ANKS1B: variants seen among roughly 807,000 people sequenced by gnomAD.
ANKS1B encodes the protein ankyrin repeat and sterile alpha motif domain containing 1B, also known as ankyrin repeat and sterile alpha motif domain-containing protein 1B.
ANKS1B carries 36 observed loss-of-function variants against 148.3 expected under a neutral mutation model. That is an observed-to-expected ratio of 0.24 (90% CI 0.19 to 0.32). The LOEUF (loss-of-function observed/expected upper bound fraction) is 0.32, where lower values mean the gene tolerates loss of function less well. Ranked by LOEUF, ANKS1B falls within the 10% of genes least tolerant of loss-of-function variation. The probability of loss-of-function intolerance (pLI) is 1.00; values close to 1 mark genes in which losing one functional copy is unlikely to be tolerated. For synonymous variants in ANKS1B, 542 were observed against 560.8 expected (o/e 0.97, Z 0.47); for missense variants, 1,157 against 1,542.6 (o/e 0.75, Z 4.19).
chr12:99,510,567 T>C (rs1039776935), intron 9 of ANKS1B, among the ~76,000 whole-genome samples: 1 of 151,974 alleles, frequency 6.6e-6, no homozygotes, highest in Non-Finnish European at 1.5e-5. Context: ...ATGATAAAAC[T>C]TGAATGGATG....
intron 9 of ANKS1B, among the ~76,000 whole-genome samples, chr12:99,581,207 G>A (rs1335069754): frequency 6.6e-6 from 1 of 152,092 alleles, no homozygotes; most frequent in Non-Finnish European, 1.5e-5. Context: ...CATAAGAATA[G>A]GCACAGAGAT....
At chr12:99,739,078 T>G (rs991018255) in intron 8 of ANKS1B, among the ~76,000 whole-genome samples, 1 of 152,038 alleles carries the variant, frequency 6.6e-6, no homozygotes, top group Non-Finnish European at 1.5e-5. Flanking sequence ...GGTATTCACA[T>G]ACACTATCAT....
chr12:99,126,014 G>GA (rs1356593016), intron 15 of ANKS1B, among the ~76,000 whole-genome samples: 5 of 151,618 alleles, frequency 3.3e-5, no homozygotes, highest in African/African-American at 7.3e-5. Context: ...AGAGACTTAA[G>GA]AAAAAAAACA....
intron 17 of ANKS1B, among the ~76,000 whole-genome samples, chr12:98,909,669 A>G (rs964577191): frequency 6.6e-6 from 1 of 152,230 alleles, no homozygotes; most frequent in African/African-American, 2.4e-5. Context: ...AATATATAGC[A>G]TAACTCGTTA....
intron 14 of ANKS1B, among the ~76,000 whole-genome samples, chr12:99,214,446 T>C (rs1338637148): frequency 8.5e-5 from 13 of 152,172 alleles, no homozygotes; most frequent in Admixed American, 4.6e-4. Flanking sequence ...TCCCGTGCTG[T>C]TCTCATGGTA....
At chr12:98,894,236 C>G (rs2099758718) in intron 17 of ANKS1B, among the ~76,000 whole-genome samples, 1 of 152,168 alleles carries the variant, frequency 6.6e-6, no homozygotes, top group Admixed American at 6.5e-5. Context: ...ATTACGTGGA[C>G]TTGGCATGGC....
chr12:99,233,996 A>G (rs2087360356), intron 14 of ANKS1B, among the ~76,000 whole-genome samples: 1 of 152,112 alleles, frequency 6.6e-6, no homozygotes, highest in Non-Finnish European at 1.5e-5. Context: ...TCCAAATGTA[A>G]TGTTGACCTT....
At chr12:99,248,415 A>G (rs2074144923) in intron 12 of ANKS1B, among the ~76,000 whole-genome samples, 1 of 152,224 alleles carries the variant, frequency 6.6e-6, no homozygotes, top group African/African-American at 2.4e-5. Context: ...GAAGAGTGAC[A>G]GGAAGAGAGA....
intron 12 of ANKS1B, among the ~76,000 whole-genome samples, chr12:99,310,616 G>A (rs902121198): frequency 3.3e-5 from 5 of 152,206 alleles, no homozygotes; most frequent in South Asian, 2.1e-4. Flanking sequence ...CTTAGGACAG[G>A]AACTACATCA....
chr12:99,080,729 TAC>T (rs1456216435), intron 16 of ANKS1B, among the ~76,000 whole-genome samples: 1 of 152,212 alleles, frequency 6.6e-6, no homozygotes, highest in Non-Finnish European at 1.5e-5. Context: ...CTTGGCCACA[TAC>T]AATTCTTTTC....
At chr12:99,561,745 T>C (rs1051105051) in intron 9 of ANKS1B, among the ~76,000 whole-genome samples, 4 of 152,186 alleles carry the variant, frequency 2.6e-5, no homozygotes, top group African/African-American at 9.7e-5. Context: ...AGTTCCTTCT[T>C]CCACTGAAGT....
intron 12 of ANKS1B, among the ~76,000 whole-genome samples, chr12:99,378,540 A>G (rs566024372): frequency 6.6e-6 from 1 of 151,956 alleles, no homozygotes; most frequent in South Asian, 2.1e-4. Context: ...CTGTAGTCTC[A>G]GCTACCCAGG....
chr12:99,003,115 G>A (rs192373661), intron 17 of ANKS1B, among the ~76,000 whole-genome samples: 96 of 152,058 alleles, frequency 6.3e-4, no homozygotes, highest in Non-Finnish European at 1.3e-3. Flanking sequence ...GTATATTCTT[G>A]GCACCCTTGT....
At chr12:99,828,762 C>G (rs1430659543) in intron 1 of ANKS1B, among the ~76,000 whole-genome samples, 1 of 152,102 alleles carries the variant, frequency 6.6e-6, no homozygotes, top group Non-Finnish European at 1.5e-5. Flanking sequence ...AATCCCAGCA[C>G]TTTGAAAGGC....
At chr12:99,932,603 C>T (rs2094649861) in intron 1 of ANKS1B, among the ~76,000 whole-genome samples, 1 of 152,024 alleles carries the variant, frequency 6.6e-6, no homozygotes, top group African/African-American at 2.4e-5. Flanking sequence ...AAATATTTTG[C>T]CAATATTTTA....
rs533636942 is a variant in ANKS1B at position 98,951,725 on chromosome 12, G to T, written c.2778+101432C>A. On this transcript the variant is annotated intron_variant, in intron 17 of 26. Transcript: ENST00000683438. ...CTCCCTCTCCTCTCCATCTGTCACC[G>T]TGTACCCTTGTTCAAGGCCTTCATC... Among the ~76,000 whole-genome samples the T allele has an allele frequency of 5.9e-5, 9 of 152,174 alleles. No homozygotes were observed. The South Asian group carries it at 1.7e-3, about 28-fold the overall frequency.
intron 8 of ANKS1B, among the ~76,000 whole-genome samples, chr12:99,726,355 C>A (rs929303701): frequency 6.6e-6 from 1 of 152,140 alleles, no homozygotes; most frequent in Non-Finnish European, 1.5e-5. Context: ...ACTATAAACA[C>A]CTCTATGCAA....
intron 8 of ANKS1B, among the ~76,000 whole-genome samples, chr12:99,740,147 GA>G (rs1270411656): frequency 6.6e-6 from 1 of 151,498 alleles, no homozygotes; most frequent in Non-Finnish European, 1.5e-5. Context: ...CCATCTCTAC[GA>G]AAAAAGAAAT....
chr12:98,932,655 T>C (rs2099814732), intron 17 of ANKS1B, among the ~76,000 whole-genome samples: 1 of 152,216 alleles, frequency 6.6e-6, no homozygotes, highest in Admixed American at 6.5e-5. Context: ...GGTTTCTTCA[T>C]TGCTAAACTA....
Sources: gnomAD v4.1 joint callset for allele counts (sites outside exome capture counted in the v4.1 genomes callset) on GRCh38, gnomAD v4.1.1 for gene constraint, MANE v1.5 for transcripts, NCBI Gene and HGNC (gene_info 2026-07-23, HGNC 2026-07-21) for gene names.